The following IKBIP variants were observed in gnomAD, a reference collection of about 807,000 sequenced individuals.
IKBIP encodes the protein inhibitor of nuclear factor kappa-B kinase-interacting protein.
A neutral mutation model predicts 31.0 loss-of-function variants in IKBIP; 28 were observed. The ratio of observed to expected loss-of-function variants is 0.90; its 90% CI spans 0.67 to 1.24. The LOEUF is 1.24. Among genes scored for constraint, IKBIP ranks in the 50% most tolerant of loss-of-function variants. The pLI is 0.00. For missense variants in IKBIP, 453 were observed against 441.9 expected (o/e 1.03, Z -0.23); for synonymous variants, 164 against 160.3 (o/e 1.02, Z -0.17).
At chr12:98,632,709 C>T (rs1397384411) in intron 2 of IKBIP, among the ~76,000 whole-genome samples, 4 of 146,730 alleles carry the variant, frequency 2.7e-5, no homozygotes, top group African/African-American at 1.0e-4. Flanking sequence ...TCTGAAACCT[C>T]TGCCTCCCAG....
intron 2 of IKBIP, among the ~76,000 whole-genome samples, chr12:98,632,943 G>C (rs1337153513): frequency 3.3e-5 from 5 of 151,910 alleles, no homozygotes; most frequent in Admixed American, 6.6e-5. Context: ...TCCAATTTGA[G>C]CCCTATGTGA....
At chr12:98,634,897 G>A (rs2097624415) in intron 1 of IKBIP, among the ~76,000 whole-genome samples, 1 of 151,500 alleles carries the variant, frequency 6.6e-6, no homozygotes, top group Non-Finnish European at 1.5e-5. Context: ...TTTTAGTAAA[G>A]ACGGGGTTTC....
At chr12:98,634,828 G>A (rs1292604188) in intron 1 of IKBIP, among the ~76,000 whole-genome samples, 1 of 149,462 alleles carries the variant, frequency 6.7e-6, no homozygotes, top group Non-Finnish European at 1.5e-5. Context: ...TCCTGCCTCA[G>A]CCTCCCGAGT....
At chr12:98,634,104 T>A (rs913933737) in intron 2 of IKBIP, among the ~76,000 whole-genome samples, 192 bp downstream of exon 2, 1 of 152,092 alleles carries the variant, frequency 6.6e-6, no homozygotes, top group African/African-American at 2.4e-5. Context: ...TATTAAAAAA[T>A]CCTTGCCCCT....
chr12:98,632,344 C>T (rs770132199), intron 2 of IKBIP, among the ~76,000 whole-genome samples: 21 of 149,396 alleles, frequency 1.4e-4, no homozygotes, highest in Admixed American at 3.4e-4. Flanking sequence ...GGTGCAGTGG[C>T]GTGCCTGTTA....
chr12:98,625,341 T>C lies in IKBIP; in HGVS notation c.*589A>G, dbSNP rs2097613286. Reference sequence around the variant, plus strand: ...CCCAGGCTTTAGAGTTTTCAGAAAGTGCATATTAATTCATAGCAAAGGCAC... The same window carrying C: ...CCCAGGCTTTAGAGTTTTCAGAAAGCGCATATTAATTCATAGCAAAGGCAC... On this transcript the variant is annotated 3_prime_UTR_variant, in exon 3 of 3. Transcript: ENST00000299157. 2.1e-5 allele frequency: 20 copies of C among 972,228 alleles called. No homozygotes were observed. Among genetic ancestry groups the C allele is most frequent in the Non-Finnish European group, 2.4e-5 (20 of 818,120 alleles). 60.2% of individuals were successfully genotyped at this position (972,228 alleles called of 1,614,324 possible).
chr12:98,618,451 CCT>C (rs2097607574), intron 2 of IKBIP, among the ~76,000 whole-genome samples: 1 of 151,656 alleles, frequency 6.6e-6, no homozygotes, highest in South Asian at 2.1e-4. Flanking sequence ...GCAGTGAAAC[CCT>C]GTCTCTACTA....
chr12:98,625,431 G>T lies in IKBIP; in HGVS notation c.*499C>A. On this transcript the variant is annotated 3_prime_UTR_variant, in exon 3 of 3. Transcript: ENST00000299157. ...AAATTCCCATGAACTTGGTTGTGTG[G>T]ATTCTTAACCTGCAGTGAATTACCT... 2 of 452,306 alleles carry T rather than the reference G, an allele frequency of 4.4e-6. No homozygotes were observed. The highest frequency in any genetic ancestry group is 5.8e-6 in the Non-Finnish European group (2 of 343,160). The allele number at this position is 452,306 out of a possible 1,614,324, so 28.0% of individuals were successfully genotyped here.
At chr12:98,636,826 G>A (rs375038531) in intron 1 of IKBIP, among the ~76,000 whole-genome samples, 1 of 149,304 alleles carries the variant, frequency 6.7e-6, no homozygotes, top group Admixed American at 6.7e-5. Context: ...GGATATCTAA[G>A]ACCAGCAGAT....
At chr12:98,630,776 AC>A (rs1034020214) in intron 2 of IKBIP, among the ~76,000 whole-genome samples, 3 of 152,226 alleles carry the variant, frequency 2.0e-5, no homozygotes, top group Non-Finnish European at 4.4e-5. Context: ...CTAAGGTCAC[AC>A]AGTTGGGATG....
At chr12:98,623,633 G>A (rs1592990837), downstream of IKBIP, among the ~76,000 whole-genome samples, 1 of 144,658 alleles carries the variant, frequency 6.9e-6, no homozygotes, top group Admixed American at 6.9e-5. Flanking sequence ...CAAACTCCTG[G>A]GCTTAAGCCA....
chr12:98,634,097 T>G (rs1403279351), intron 2 of IKBIP, among the ~76,000 whole-genome samples, 199 bp downstream of exon 2: 4 of 152,136 alleles, frequency 2.6e-5, no homozygotes, highest in Non-Finnish European at 4.4e-5. Flanking sequence ...ATTATCATAT[T>G]AAAAAATCCT....
downstream of IKBIP, among the ~76,000 whole-genome samples, chr12:98,621,763 A>C (rs1048922464): frequency 1.3e-5 from 2 of 152,150 alleles, no homozygotes; most frequent in Non-Finnish European, 1.5e-5. Flanking sequence ...GTAGGTAATC[A>C]ATATATAGAG....
rs1292217253 is a variant in IKBIP at position 98,613,768 on chromosome 12, GTCCT to G, written c.866_869del (p.Lys289ThrfsTer5). The G allele has an allele frequency of 6.2e-7, 1 of 1,611,478 alleles. No individual in the cohort carries two copies. Among genetic ancestry groups the G allele is most frequent in the Non-Finnish European group, 8.5e-7 (1 of 1,179,074 alleles). On this transcript the variant is annotated frameshift_variant, in exon 3 of 3. Transcript: ENST00000342502. LOFTEE classifies it high-confidence loss of function. ...TTACTAATGGTTCTAAACGGGAAAA[GTCCT>G]TCTTTAGATTATACACCTTTGGTTT...
rs150771554 is a variant in IKBIP at position 98,626,044 on chromosome 12, T to C, written c.1020A>G (p.Glu340=). The C allele has an allele frequency of 2.5e-6, 4 of 1,587,890 alleles. No homozygotes were observed. In the African/African-American group the frequency reaches 5.4e-5, roughly 21 times the overall value. The part of the protein sequence containing the change: ...YDNSILKMQN[E]LDILKEKVHD... ...GAACTTTTTCTTTTAGAATATCCAG[T>C]TCATTTTGCATCTTTAATATGCTAT... Residue 340 remains glutamate, a synonymous_variant, in exon 3 of 3, where the codon GAA becomes GAG. Coordinates refer to ENST00000299157, the MANE Select transcript of IKBIP (RefSeq NM_153687.4).
In IKBIP at chr12:98,625,912, AGAAT is replaced by A. The variant is rs2097613756; in HGVS notation, c.*14_*17del. ...TTTATGTATAATGATATGGTTCATC[AGAAT>A]AAATGTCATGAATTTAAAAATCACC... On this transcript the variant is annotated 3_prime_UTR_variant, in exon 3 of 3. Transcript: ENST00000299157. The A allele has an allele frequency of 7.2e-7, 1 of 1,379,690 alleles. No individual in the cohort carries two copies. The highest frequency in any genetic ancestry group is 9.6e-7 in the Non-Finnish European group (1 of 1,044,480). The allele number at this position is 1,379,690 out of a possible 1,614,324, so 85.5% of individuals were successfully genotyped here.
At chr12:98,627,417 C>T (rs952513145) in intron 2 of IKBIP, among the ~76,000 whole-genome samples, 1 of 149,784 alleles carries the variant, frequency 6.7e-6, no homozygotes, top group African/African-American at 2.5e-5. Context: ...TGGTAAGTAA[C>T]TTTGATGTCA....
At chr12:98,644,394 C>A in intron 1 of IKBIP, 129 bp downstream of exon 1, 1 of 867,618 alleles carries the variant, frequency 1.2e-6, no homozygotes, top group East Asian at 3.0e-5. Context: ...CCTTTGGGGT[C>A]AAGACAGAGG....
chr12:98,635,898 C>T (rs926728850), intron 1 of IKBIP, among the ~76,000 whole-genome samples: 24 of 152,274 alleles, frequency 1.6e-4, no homozygotes, highest in Middle Eastern at 3.4e-3. Flanking sequence ...TGATGTGACT[C>T]GTATAGGTGT....
Sources: allele counts gnomAD v4.1 joint callset (sites outside exome capture counted in the v4.1 genomes callset), GRCh38; gene constraint gnomAD v4.1.1; transcripts MANE v1.5; gene names NCBI Gene and HGNC (gene_info 2026-07-23, HGNC 2026-07-21).